Variants in TBC1D31 observed in about 807,000 individuals in gnomAD.
TBC1D31 encodes the protein TBC1 domain family member 31.
A neutral mutation model predicts 132.9 loss-of-function variants in TBC1D31; 99 were observed. The observed-to-expected ratio is 0.74, with a 90% CI of 0.63 to 0.88. TBC1D31 has a LOEUF of 0.88. Ranked by LOEUF, TBC1D31 falls within the 40% of genes least tolerant of loss-of-function variation. TBC1D31 has a pLI of 0.00. For missense variants in TBC1D31, 1,134 were observed against 1,256.6 expected (o/e 0.90, Z 1.48); for synonymous variants, 385 against 419.4 (o/e 0.92, Z 1.00).
chr8:123,131,363 C>CAAAA (rs59929988), intron 16 of TBC1D31, among the ~76,000 whole-genome samples: 144 of 64,834 alleles, frequency 2.2e-3, no homozygotes, highest in Non-Finnish European at 3.4e-3. Flanking sequence ...GACTCAGTCT[C>CAAAA]AAAAAAAAAA....
chr8:123,094,331 G>GCCCA (rs1816641019), intron 5 of TBC1D31, among the ~76,000 whole-genome samples: 1 of 151,792 alleles, frequency 6.6e-6, no homozygotes, highest in Admixed American at 6.6e-5. Flanking sequence ...CAGAGTGCTG[G>GCCCA]GATTACAGGC....
the TBC1D31 span, among the ~76,000 whole-genome samples, chr8:123,161,983 A>G: frequency 7.2e-6 from 1 of 138,268 alleles, no homozygotes; most frequent in East Asian, 2.1e-4. Context: ...GTGCCACTGC[A>G]CTCCAGCCTG....
chr8:123,105,929 C>T (rs1261105138), intron 8 of TBC1D31, among the ~76,000 whole-genome samples: 2 of 152,030 alleles, frequency 1.3e-5, no homozygotes, highest in Admixed American at 6.6e-5. Context: ...CTCTCTCCCT[C>T]ACCCCCACCC....
At chr8:123,107,624 T>G (rs1452795570) in intron 8 of TBC1D31, among the ~76,000 whole-genome samples, 2 of 152,190 alleles carry the variant, frequency 1.3e-5, no homozygotes, top group African/African-American at 4.8e-5. Context: ...TTGCAGGACC[T>G]TTTCTGGGAA....
chr8:123,155,450 GGTA>G (rs535964287), downstream of TBC1D31, among the ~76,000 whole-genome samples: 62 of 152,278 alleles, frequency 4.1e-4, no homozygotes, highest in African/African-American at 1.4e-3. The surrounding 1 kb of genome is among the most constrained non-coding windows in gnomAD (Gnocchi z 4.1). Context: ...GCAGCAGGGC[GGTA>G]GTAGTAGTAA....
intron 7 of TBC1D31, chr8:123,102,256 C>G (rs890025975): frequency 4.4e-6 from 2 of 456,548 alleles, no homozygotes; most frequent in African/African-American, 2.0e-5. Context: ...GGAAGAAGTT[C>G]GTGCTCAAAA....
the TBC1D31 span, among the ~76,000 whole-genome samples, chr8:123,157,410 G>T: frequency 6.6e-6 from 1 of 152,084 alleles, no homozygotes; most frequent in African/African-American, 2.4e-5. Context: ...AGAATACTCG[G>T]AATTCTAGTT....
chr8:123,125,933 GT>G (rs955639613), intron 11 of TBC1D31, 122 bp from the exon 12 acceptor site: 109 of 656,340 alleles, frequency 1.7e-4, no homozygotes, highest in South Asian at 5.1e-4. Flanking sequence ...AATATAAAGA[GT>G]TTTTTTTTAT....
chr8:123,110,494 G>A (rs144693311), intron 10 of TBC1D31, among the ~76,000 whole-genome samples: 244 of 152,170 alleles, frequency 1.6e-3, no homozygotes, highest in African/African-American at 5.2e-3. Context: ...TTCCAGAGCC[G>A]AAGACTTTTT....
At chr8:123,091,286 T>G (rs1385827934) in intron 4 of TBC1D31, among the ~76,000 whole-genome samples, 1 of 152,222 alleles carries the variant, frequency 6.6e-6, no homozygotes, top group Non-Finnish European at 1.5e-5. Flanking sequence ...GTTATTCTGC[T>G]AAAATAGCAG....
chr8:123,093,538 A>T, intron 4 of TBC1D31, 53 bp from the exon 5 acceptor site: 1 of 1,259,832 alleles, frequency 7.9e-7, no homozygotes, highest in Non-Finnish European at 1.1e-6. Context: ...TTTTAAATTT[A>T]AAGTCTCTAT....
downstream of TBC1D31, among the ~76,000 whole-genome samples, chr8:123,155,823 G>A (rs1181595347): frequency 6.6e-6 from 1 of 152,188 alleles, no homozygotes; most frequent in Non-Finnish European, 1.5e-5. The surrounding 1 kb of genome is among the most constrained non-coding windows in gnomAD (Gnocchi z 4.1). Flanking sequence ...ATCTCACAGG[G>A]ATTACTAAAC....
downstream of TBC1D31, among the ~76,000 whole-genome samples, chr8:123,157,095 G>C (rs1034173335): frequency 6.6e-6 from 1 of 152,228 alleles, no homozygotes; most frequent in Non-Finnish European, 1.5e-5. Flanking sequence ...CTTGGCGGGG[G>C]TACTTATCAG....
chr8:123,138,713 A>C (rs72722020), intron 17 of TBC1D31, among the ~76,000 whole-genome samples: 7,560 of 152,264 alleles, frequency 0.05, 243 homozygotes, highest in Non-Finnish European at 0.069. Context: ...TTCACTTAGC[A>C]TGTTAAGCAT....
chr8:123,128,521 T>A lies in TBC1D31; in HGVS notation c.2117+8T>A. ...GGATTACTTAAGAGAGAGGTAATTATGGAATAGTTTTTCTTTTTCTGATAC... is the reference window on the plus strand; with the variant it reads ...GGATTACTTAAGAGAGAGGTAATTAAGGAATAGTTTTTCTTTTTCTGATAC... On this transcript the variant is annotated splice_region_variant and intron_variant, in intron 14 of 21. Coordinates refer to ENST00000287380, the MANE Select transcript of TBC1D31 (RefSeq NM_145647.4). The A allele has an allele frequency of 3.2e-6, 5 of 1,539,098 alleles. No homozygotes were observed. Among genetic ancestry groups the A allele is most frequent in the Non-Finnish European group, 4.5e-6 (5 of 1,115,160 alleles).
intron 20 of TBC1D31, among the ~76,000 whole-genome samples, chr8:123,146,104 A>C (rs1358120875): frequency 6.6e-6 from 1 of 152,122 alleles, no homozygotes; most frequent in Non-Finnish European, 1.5e-5. Context: ...TCCTCACCTC[A>C]GGTGATCCAC....
downstream of TBC1D31, among the ~76,000 whole-genome samples, chr8:123,155,732 G>A (rs1258176633): frequency 2.0e-5 from 3 of 152,288 alleles, no homozygotes; most frequent in East Asian, 1.9e-4. This position sits in a 1 kb window ranked among gnomAD's most constrained non-coding sequence, Gnocchi z 4.1. Context: ...ACATGCTTAC[G>A]AGTATTCTTT....
At chr8:123,094,628 C>G (rs955404412) in intron 5 of TBC1D31, among the ~76,000 whole-genome samples, 1 of 152,038 alleles carries the variant, frequency 6.6e-6, no homozygotes, top group Non-Finnish European at 1.5e-5. Context: ...CAACCTCCAC[C>G]TCCCAGCTTC....
At chr8:123,092,517 TA>T (rs1234480516) in intron 4 of TBC1D31, among the ~76,000 whole-genome samples, 1 of 152,150 alleles carries the variant, frequency 6.6e-6, no homozygotes, top group Non-Finnish European at 1.5e-5. Context: ...GATAGATGTT[TA>T]AAAAATATCA....
Sources: allele counts gnomAD v4.1 joint callset (sites outside exome capture counted in the v4.1 genomes callset), GRCh38; gene constraint gnomAD v4.1.1; non-coding constraint Gnocchi (gnomAD v3.1); transcripts MANE v1.5; gene names NCBI Gene and HGNC (gene_info 2026-07-23, HGNC 2026-07-21).